ZNF536: variants seen among roughly 807,000 people sequenced by gnomAD.
ZNF536 encodes zinc finger protein 536.
ZNF536 carries 13 observed loss-of-function variants against 84.5 expected under a neutral mutation model. The observed-to-expected ratio is 0.15, with a 90% CI of 0.10 to 0.24. The LOEUF is 0.24. Among genes scored for constraint, ZNF536 ranks in the 10% least tolerant of loss-of-function variants. ZNF536 has a pLI of 1.00. For missense variants in ZNF536, 1,536 were observed against 1,747.5 expected (o/e 0.88, Z 2.16); for synonymous variants, 811 against 742.5 (o/e 1.09, Z -1.50).
At chr19:30,628,740 C>T (rs2147215481) in intron 1 of ZNF536, among the ~76,000 whole-genome samples, 1 of 152,094 alleles carries the variant, frequency 6.6e-6, no homozygotes, top group South Asian at 2.1e-4. Context: ...GCTTTGGAGC[C>T]CAGGCTGGAG....
intron 1 of ZNF536, among the ~76,000 whole-genome samples, chr19:30,372,934 C>G (rs1309956586): frequency 6.6e-6 from 1 of 151,530 alleles, no homozygotes; most frequent in Non-Finnish European, 1.5e-5. Flanking sequence ...CTTTCAGACT[C>G]CCTGGGCAAA....
chr19:30,349,999 G>T (rs1293056865), intron 2 of ZNF536, among the ~76,000 whole-genome samples: 3 of 147,808 alleles, frequency 2.0e-5, no homozygotes, highest in South Asian at 4.3e-4. Context: ...TCCGAAAGTT[G>T]TTTTTTTTTT....
chr19:30,568,366 TCTATGA>T (rs148727879), intron 1 of ZNF536, among the ~76,000 whole-genome samples: 47 of 152,338 alleles, frequency 3.1e-4, no homozygotes, highest in Non-Finnish European at 5.0e-4. Flanking sequence ...TTTTGCATTT[TCTATGA>T]CATTGTTCTG....
chr19:30,691,322 C>T (rs2055371019), intron 1 of ZNF536, among the ~76,000 whole-genome samples: 1 of 152,080 alleles, frequency 6.6e-6, no homozygotes, highest in Non-Finnish European at 1.5e-5. Flanking sequence ...GATCTGCGGC[C>T]AGGGGACAAG....
intron 1 of ZNF536, among the ~76,000 whole-genome samples, chr19:30,652,972 C>G (rs938952696): frequency 1.3e-5 from 2 of 152,156 alleles, no homozygotes; most frequent in South Asian, 4.1e-4. Context: ...CATCCACTCT[C>G]GATGCCCCGT....
chr19:30,390,176 G>GT (rs1395657970), intron 1 of ZNF536, among the ~76,000 whole-genome samples: 1 of 152,164 alleles, frequency 6.6e-6, no homozygotes, highest in Non-Finnish European at 1.5e-5. Context: ...GGGGGTTAAG[G>GT]TTGTGTTGAG....
chr19:30,710,206 A>T (rs1412488821), intron 1 of ZNF536, among the ~76,000 whole-genome samples: 1 of 152,172 alleles, frequency 6.6e-6, no homozygotes, highest in East Asian at 1.9e-4. Context: ...AAATTCAGAT[A>T]TGGGGAGACT....
intron 1 of ZNF536, among the ~76,000 whole-genome samples, chr19:30,253,365 A>C (rs995015962): frequency 6.6e-6 from 1 of 152,188 alleles, no homozygotes; most frequent in African/African-American, 2.4e-5. Context: ...AGACATAGAA[A>C]ATTTAAGGTT....
In ZNF536 at chr19:30,651,784, A is replaced by ACATTCTTGAAT. The variant is rs545274178; in HGVS notation, c.170-58973_170-58972insCATTCTTGAAT. ...GTGTTGAAAAATTCAAGAATTTGGC[A>ACATTCTTGAAT]GTGACCTTAAGGCCACAGATAGGAT... is the stretch of plus-strand genomic sequence containing the variant. On this transcript the variant is annotated intron_variant, in intron 1 of 1. Transcript: ENST00000592773. Among the ~76,000 whole-genome samples, 809 of 152,346 alleles carry ACATTCTTGAAT rather than the reference A, an allele frequency of 5.3e-3. 8 individuals are homozygous for ACATTCTTGAAT. Among genetic ancestry groups the ACATTCTTGAAT allele is most frequent in the African/African-American group, 0.018 (760 of 41,574 alleles).
intron 1 of ZNF536, among the ~76,000 whole-genome samples, chr19:30,618,401 A>G (rs1416158012): frequency 6.6e-6 from 1 of 152,210 alleles, no homozygotes; most frequent in East Asian, 1.9e-4. Flanking sequence ...TTAAATAGAC[A>G]GCATAATATT....
chr19:30,701,788 TTTAA>T (rs1303485149), intron 1 of ZNF536, among the ~76,000 whole-genome samples: 1 of 152,252 alleles, frequency 6.6e-6, no homozygotes, highest in Non-Finnish European at 1.5e-5. Flanking sequence ...TGGATGATCA[TTTAA>T]TCTCCCTGGA....
At chr19:30,348,443 G>A (rs1435789665) in intron 2 of ZNF536, among the ~76,000 whole-genome samples, 2 of 152,036 alleles carry the variant, frequency 1.3e-5, no homozygotes, top group South Asian at 2.1e-4. Context: ...TGTCCCTTAC[G>A]TGCTGAGGTC....
chr19:30,647,882 G>A (rs554817328), intron 1 of ZNF536, among the ~76,000 whole-genome samples: 29 of 152,272 alleles, frequency 1.9e-4, no homozygotes, highest in African/African-American at 6.0e-4. Flanking sequence ...CCTGACAACC[G>A]GTACAAGAGG....
chr19:30,604,736 C>G (rs1021113830), intron 1 of ZNF536, among the ~76,000 whole-genome samples: 1 of 152,182 alleles, frequency 6.6e-6, no homozygotes, highest in Non-Finnish European at 1.5e-5. Context: ...CAGCCAGCCA[C>G]TAAAGTAATT....
At chr19:30,567,726 C>T (rs1332470410) in intron 1 of ZNF536, among the ~76,000 whole-genome samples, 1 of 152,132 alleles carries the variant, frequency 6.6e-6, no homozygotes, top group African/African-American at 2.4e-5. Context: ...CAACCTTATT[C>T]TCATTGTGCC....
At chr19:30,448,359 C>T (rs770149121) in intron 2 of ZNF536, among the ~76,000 whole-genome samples, 4 of 151,750 alleles carry the variant, frequency 2.6e-5, no homozygotes, top group Non-Finnish European at 5.9e-5. Flanking sequence ...TATAGAAGTG[C>T]GATTAAAATA....
intron 1 of ZNF536, among the ~76,000 whole-genome samples, chr19:30,593,978 C>T (rs1311851226): frequency 6.6e-6 from 1 of 152,208 alleles, no homozygotes; most frequent in African/African-American, 2.4e-5. Context: ...GACAAGCCAG[C>T]CTCAGAGTCT....
intron 2 of ZNF536, among the ~76,000 whole-genome samples, chr19:30,457,506 G>C (rs1473519073): frequency 6.6e-6 from 1 of 152,210 alleles, no homozygotes; most frequent in Non-Finnish European, 1.5e-5. Flanking sequence ...GAGCTGCTGA[G>C]GCCCAGTGAA....
intron 2 of ZNF536, among the ~76,000 whole-genome samples, chr19:30,461,656 G>A (rs1319960106): frequency 6.6e-6 from 1 of 152,212 alleles, no homozygotes; most frequent in Admixed American, 6.5e-5. Flanking sequence ...GGCCCCAGGA[G>A]CATGGGCTGG....
Sources: gnomAD v4.1 joint callset for allele counts (sites outside exome capture counted in the v4.1 genomes callset) on GRCh38, gnomAD v4.1.1 for gene constraint, MANE v1.5 for transcripts, NCBI Gene and HGNC (gene_info 2026-07-23, HGNC 2026-07-21) for gene names.